The following STARD13 variants were observed in gnomAD, a reference collection of about 807,000 sequenced individuals.
STARD13 encodes StAR related lipid transfer domain containing 13.
STARD13 carries 62 observed loss-of-function variants against 106.4 expected under a neutral mutation model. That is an observed-to-expected ratio of 0.58 (90% CI 0.48 to 0.72). The LOEUF (loss-of-function observed/expected upper bound fraction) is 0.72. STARD13 is among the 30% of genes least tolerant of loss of function. STARD13 has a pLI of 0.00. For synonymous variants in STARD13, 565 were observed against 553.0 expected, an observed-to-expected ratio of 1.02 and a Z score of -0.31; for missense variants, 1,387 against 1,424.0, an observed-to-expected ratio of 0.97 and a Z score of 0.42.
intron 1 of STARD13, among the ~76,000 whole-genome samples, chr13:33,250,266 C>G (rs754165263): frequency 1.6e-4 from 25 of 152,132 alleles, no homozygotes; most frequent in Non-Finnish European, 3.2e-4. Flanking sequence ...TTTGGGGGGC[C>G]AATTATCTCC....
chr13:33,359,081 T>A, the STARD13 span, among the ~76,000 whole-genome samples: 1 of 152,274 alleles, frequency 6.6e-6, no homozygotes, highest in South Asian at 2.1e-4. Context: ...GATAAGAGAA[T>A]AAAAGCAGGA....
chr13:33,348,941 T>C (rs2078043213), exon 2 of STARD13: 2 of 567,320 alleles, frequency 3.5e-6, no homozygotes, highest in East Asian at 2.9e-5. Flanking sequence ...TAATTTAGCT[T>C]GCTAGTGACC....
the STARD13 span, among the ~76,000 whole-genome samples, chr13:33,428,239 G>A: frequency 8.5e-5 from 13 of 152,122 alleles, no homozygotes; most frequent in Non-Finnish European, 1.3e-4. Flanking sequence ...TGAAAACATA[G>A]GGGAAATCTT....
At chr13:33,209,805 C>T (rs1414592368) in intron 1 of STARD13, among the ~76,000 whole-genome samples, 1 of 151,880 alleles carries the variant, frequency 6.6e-6, no homozygotes, top group East Asian at 1.9e-4. Flanking sequence ...ACCCTGTCTC[C>T]ACACAAAAAA....
At chr13:33,114,430 T>C (rs1257017162) in intron 8 of STARD13, among the ~76,000 whole-genome samples, 1 of 152,176 alleles carries the variant, frequency 6.6e-6, no homozygotes, top group Non-Finnish European at 1.5e-5. Flanking sequence ...ATGCCTTCAG[T>C]GGTCTGAAAC....
At chr13:33,274,359 G>A (rs749367352) in intron 1 of STARD13, among the ~76,000 whole-genome samples, 1 of 152,136 alleles carries the variant, frequency 6.6e-6, no homozygotes, top group African/African-American at 2.4e-5. Context: ...GGTGAAGATA[G>A]CAAGAAGGCA....
the STARD13 span, among the ~76,000 whole-genome samples, chr13:33,436,019 G>A: frequency 7.9e-5 from 12 of 152,228 alleles, no homozygotes; most frequent in African/African-American, 2.9e-4. Context: ...TTCTGTTCCT[G>A]ACAGATCCTT....
intron 1 of STARD13, among the ~76,000 whole-genome samples, chr13:33,295,449 A>AT (rs1236072077): frequency 6.6e-6 from 1 of 152,094 alleles, no homozygotes; most frequent in South Asian, 2.1e-4. Flanking sequence ...TAATAAAAAG[A>AT]TTTTTTTCTG....
the STARD13 span, among the ~76,000 whole-genome samples, chr13:33,427,762 C>A: frequency 6.6e-6 from 1 of 152,034 alleles, no homozygotes; most frequent in African/African-American, 2.4e-5. Context: ...TCGAGACCAG[C>A]CTGACCAACA....
At chr13:33,597,670 A>G in the STARD13 span, among the ~76,000 whole-genome samples, 3 of 150,420 alleles carry the variant, frequency 2.0e-5, no homozygotes, top group African/African-American at 7.4e-5. Flanking sequence ...ACATGGAGAA[A>G]CCCCATCTCT....
the STARD13 span, among the ~76,000 whole-genome samples, chr13:33,629,802 A>AT: frequency 6.6e-6 from 1 of 152,190 alleles, no homozygotes; most frequent in Non-Finnish European, 1.5e-5. Context: ...CAAAAAATCA[A>AT]TACTGTCTCA....
At chr13:33,494,902 A>G in the STARD13 span, among the ~76,000 whole-genome samples, 1 of 152,142 alleles carries the variant, frequency 6.6e-6, no homozygotes, top group Non-Finnish European at 1.5e-5. Context: ...AGTAGAAAAC[A>G]TAAAAACAAA....
chr13:33,391,607 G>A, the STARD13 span, among the ~76,000 whole-genome samples: 1,077 of 152,248 alleles, frequency 7.1e-3, 16 homozygotes, highest in African/African-American at 0.024. Context: ...ACCGTTAGGT[G>A]GGCTTCACAA....
At chr13:33,430,018 C>T in the STARD13 span, among the ~76,000 whole-genome samples, 4 of 151,632 alleles carry the variant, frequency 2.6e-5, no homozygotes, top group African/African-American at 7.3e-5. Flanking sequence ...CCCAGGTTCG[C>T]GCCATTCTCC....
At chr13:33,641,927 ACT>A in the STARD13 span, among the ~76,000 whole-genome samples, 1 of 152,286 alleles carries the variant, frequency 6.6e-6, no homozygotes, top group South Asian at 2.1e-4. Context: ...AGAAATACTG[ACT>A]CTGTTAATTT....
chr13:33,504,420 C>A, the STARD13 span, among the ~76,000 whole-genome samples: 6 of 152,178 alleles, frequency 3.9e-5, no homozygotes, highest in South Asian at 1.2e-3. Flanking sequence ...GAAAACTATG[C>A]ACCCATTAAA....
intron 1 of STARD13, among the ~76,000 whole-genome samples, chr13:33,299,393 T>G (rs1196249171): frequency 6.6e-6 from 1 of 152,228 alleles, no homozygotes; most frequent in Non-Finnish European, 1.5e-5. Context: ...CTAAACACTT[T>G]TTATCCAAAC....
chr13:33,354,007 G>A (rs534724060), upstream of STARD13, among the ~76,000 whole-genome samples: 4 of 152,204 alleles, frequency 2.6e-5, no homozygotes, highest in East Asian at 1.9e-4. Context: ...TTTCCCTTCC[G>A]GATGGGTATC....
the STARD13 span, among the ~76,000 whole-genome samples, chr13:33,673,171 C>G: frequency 2.0e-5 from 3 of 152,214 alleles, no homozygotes; most frequent in Admixed American, 2.0e-4. Context: ...TCTGGCATCT[C>G]TACAGAATCA....
Sources: gnomAD v4.1 joint callset for allele counts (sites outside exome capture counted in the v4.1 genomes callset) on GRCh38, gnomAD v4.1.1 for gene constraint, MANE v1.5 for transcripts, NCBI Gene and HGNC (gene_info 2026-07-23, HGNC 2026-07-21) for gene names.